The following ATP13A5 variants were observed in gnomAD, a reference collection of about 807,000 sequenced individuals.
The protein encoded by ATP13A5 is ATPase 13A5.
Under a neutral mutation model 150.2 loss-of-function variants are expected in ATP13A5, and 149 were observed. The observed-to-expected ratio is 0.99, with a 90% CI of 0.87 to 1.14. The LOEUF (loss-of-function observed/expected upper bound fraction) is 1.14. Ranked by LOEUF, ATP13A5 falls within the 50% of genes most tolerant of loss-of-function variation. The pLI is 0.00. For synonymous variants in ATP13A5, 497 were observed against 522.2 expected (o/e 0.95, Z 0.66); for missense variants, 1,383 against 1,449.3 (o/e 0.95, Z 0.74).
At chr3:193,348,290 A>T in intron 7 of ATP13A5, among the ~76,000 whole-genome samples, 1 of 152,164 alleles carries the variant, frequency 6.6e-6, no homozygotes, top group Admixed American at 6.5e-5. Flanking sequence ...TATCGTTATT[A>T]TTCAGCATCT....
At chr3:193,358,148 A>C (rs1712861558) in intron 5 of ATP13A5, among the ~76,000 whole-genome samples, 1 of 152,170 alleles carries the variant, frequency 6.6e-6, no homozygotes. Context: ...CATTCTGATA[A>C]GTTTCCAACA....
intron 11 of ATP13A5, 71 bp downstream of exon 11, chr3:193,333,679 C>G: frequency 1.4e-6 from 2 of 1,431,474 alleles, no homozygotes; most frequent in Non-Finnish European, 1.9e-6. Flanking sequence ...GTAACCTAAA[C>G]CAATCCTCTG....
At position 193,290,018 on chromosome 3, in the gene ATP13A5, G is replaced by A; in HGVS notation, c.2890C>T (p.Pro964Ser). ...GGGGGAGAAAGGAGCTGTCCTGCTG[G>A]TCTATATGGAGCCAGCTTTGGGTAG... is the stretch of plus-strand genomic sequence containing the variant. ...HAYPKLAPYR[P>S]AGQLLSPPLL... The change falls in exon 26 of 30, where the codon CCA (proline) becomes TCA (serine). Residue 964 changes from proline to serine, a missense_variant. By Grantham distance (74) the Pro-to-Ser change is moderately conservative (BLOSUM62 -1). This residue lies in a region of ATP13A5 where 568 missense variants were observed against 621.5 expected (regional missense o/e 0.91). Transcript: ENST00000342358. 1 of 1,611,918 alleles carries A rather than the reference G, an allele frequency of 6.2e-7. No homozygotes were observed. The highest frequency in any genetic ancestry group is 1.7e-5 in the Admixed American group (1 of 59,694).
chr3:193,327,821 T>C (rs1016726045), intron 12 of ATP13A5, among the ~76,000 whole-genome samples: 2 of 152,196 alleles, frequency 1.3e-5, no homozygotes, highest in African/African-American at 4.8e-5. Flanking sequence ...GTTTTAGGCC[T>C]GCTTAACACC....
chr3:193,374,832 T>C (rs917161866), intron 1 of ATP13A5, among the ~76,000 whole-genome samples: 6 of 152,298 alleles, frequency 3.9e-5, no homozygotes, highest in Non-Finnish European at 7.4e-5. Context: ...CTTGTGAATG[T>C]TGTTTTCACC....
At chr3:193,312,475 T>C (rs1577342914) in intron 19 of ATP13A5, among the ~76,000 whole-genome samples, 1 of 152,324 alleles carries the variant, frequency 6.6e-6, no homozygotes, top group South Asian at 2.1e-4. Flanking sequence ...TCTTCCATAC[T>C]CTACATCCCA....
chr3:193,360,619 A>C (rs1712966867), intron 5 of ATP13A5, among the ~76,000 whole-genome samples: 1 of 152,306 alleles, frequency 6.6e-6, no homozygotes, highest in Non-Finnish European at 1.5e-5. Context: ...TCCATTCTTC[A>C]TATTTGGAAA....
At chr3:193,300,311 T>C (rs1718349851) in intron 24 of ATP13A5, among the ~76,000 whole-genome samples, 1 of 152,172 alleles carries the variant, frequency 6.6e-6, no homozygotes, top group Admixed American at 6.5e-5. Context: ...TGGAGGGCTC[T>C]GAAAAATCAG....
At chr3:193,301,089 C>G in intron 24 of ATP13A5, 122 bp downstream of exon 24, 4 of 848,806 alleles carry the variant, frequency 4.7e-6, no homozygotes, top group Non-Finnish European at 7.7e-6. Flanking sequence ...TTTGCAGACA[C>G]CTATTTTGAG....
intron 22 of ATP13A5, among the ~76,000 whole-genome samples, 164 bp from the exon 23 acceptor site, chr3:193,305,832 CT>C (rs1718592946): frequency 1.3e-5 from 2 of 152,080 alleles, no homozygotes; most frequent in African/African-American, 4.8e-5. Flanking sequence ...CCTCTCTCCC[CT>C]GATCCACAAA....
intron 27 of ATP13A5, 64 bp from the exon 28 acceptor site, chr3:193,279,518 T>A: frequency 7.5e-7 from 1 of 1,332,132 alleles, no homozygotes; most frequent in Non-Finnish European, 1.1e-6. Flanking sequence ...TTGGCACACA[T>A]TGCAGAATCA....
chr3:193,287,867 A>C (rs1028057482), intron 26 of ATP13A5, among the ~76,000 whole-genome samples: 1 of 152,192 alleles, frequency 6.6e-6, no homozygotes, highest in Non-Finnish European at 1.5e-5. Flanking sequence ...TCACCATTCT[A>C]GATGTCATTA....
At chr3:193,352,650 C>T (rs1483694810) in intron 6 of ATP13A5, among the ~76,000 whole-genome samples, 2 of 152,060 alleles carry the variant, frequency 1.3e-5, no homozygotes, top group African/African-American at 4.8e-5. Flanking sequence ...GTTAGGGAAG[C>T]TATGCATATG....
intron 9 of ATP13A5, 104 bp from the exon 10 acceptor site, chr3:193,335,203 C>A: frequency 9.9e-7 from 1 of 1,008,894 alleles, no homozygotes; most frequent in East Asian, 2.4e-5. Flanking sequence ...CTAATCCGGT[C>A]TTAATGCCCA....
chr3:193,346,850 T>C (rs962690484), intron 7 of ATP13A5, among the ~76,000 whole-genome samples: 1 of 152,168 alleles, frequency 6.6e-6, no homozygotes, highest in African/African-American at 2.4e-5. Flanking sequence ...TTCATTGCTC[T>C]AAGGTGACTT....
At chr3:193,362,185 G>A (rs1577371837) in intron 5 of ATP13A5, among the ~76,000 whole-genome samples, 196 bp downstream of exon 5, 1 of 152,192 alleles carries the variant, frequency 6.6e-6, no homozygotes, top group Non-Finnish European at 1.5e-5. Flanking sequence ...TTATATGATT[G>A]CATTGTTCTT....
At position 193,307,313 on chromosome 3, in the gene ATP13A5, C is replaced by A. The variant is rs759145875; in HGVS notation, c.2568+14G>T. 2.5e-6 allele frequency: 4 copies of A among 1,613,718 alleles called. No individual in the cohort carries two copies. The highest frequency in any genetic ancestry group is 3.4e-6 in the Non-Finnish European group (4 of 1,179,834). On this transcript the variant is annotated intron_variant, in intron 22 of 29. Coordinates refer to ENST00000342358, the MANE Select transcript of ATP13A5 (RefSeq NM_198505.4). ...AGTGAGTGGCTTGTCTGAGCAAAAGCCATTTCTACTCACCCCACAGTCGTT... is the reference window on the plus strand; with the variant it reads ...AGTGAGTGGCTTGTCTGAGCAAAAGACATTTCTACTCACCCCACAGTCGTT...
intron 1 of ATP13A5, among the ~76,000 whole-genome samples, chr3:193,370,932 C>T (rs1267963422): frequency 6.6e-6 from 1 of 152,078 alleles, no homozygotes; most frequent in African/African-American, 2.4e-5. Flanking sequence ...AAACCCAATA[C>T]AAAAGAGATG....
Position 193,364,234 on chromosome 3 carries a change from A to C in ATP13A5, c.110T>G (p.Leu37Arg), listed in dbSNP as rs1265986999. 5 of 1,614,010 alleles carry C rather than the reference A, an allele frequency of 3.1e-6. No individual in the cohort carries two copies. The highest frequency in any genetic ancestry group is 4.2e-6 in the Non-Finnish European group (5 of 1,179,968). Residue 37 changes from leucine (L) to arginine (R), a missense_variant, in exon 2 of 30, where the codon CTT (leucine) becomes CGT (arginine). By Grantham distance (102) the Leu-to-Arg change is moderately radical. This residue lies in a region of ATP13A5 where 787 missense variants were observed against 771.9 expected (regional missense o/e 1.02). Coordinates refer to ENST00000342358, the MANE Select transcript of ATP13A5 (RefSeq NM_198505.4). Reference protein sequence around the residue: ...RDHNVRKAFCLVASVLTCGGL... With the variant: ...RDHNVRKAFCRVASVLTCGGL... ...CCCACAGGTCAGCACGGATGCGACAAGGCAGAAGGCTTTCCGTACATTGTG... is the reference window on the plus strand; with the variant it reads ...CCCACAGGTCAGCACGGATGCGACACGGCAGAAGGCTTTCCGTACATTGTG...
Sources: gnomAD v4.1 joint callset for allele counts (sites outside exome capture counted in the v4.1 genomes callset) on GRCh38, gnomAD v4.1.1 for gene constraint, gnomAD v4.1.1 regional missense constraint, MANE v1.5 for transcripts, NCBI Gene and HGNC (gene_info 2026-07-23, HGNC 2026-07-21) for gene names.